The following PLIN1 variants were observed in gnomAD, a reference collection of about 807,000 sequenced individuals.
The protein encoded by PLIN1 is perilipin 1, also known as perilipin-1.
A neutral mutation model predicts 45.8 loss-of-function variants in PLIN1; 37 were observed. That is an observed-to-expected ratio of 0.81 (90% CI 0.62 to 1.06). The LOEUF (loss-of-function observed/expected upper bound fraction) is 1.06, where lower values mean the gene tolerates loss of function less well. Ranked by LOEUF, PLIN1 falls within the 50% of genes least tolerant of loss-of-function variation. The pLI is 0.00. For synonymous variants in PLIN1, 340 were observed against 309.2 expected (o/e 1.10, Z -1.05); for missense variants, 776 against 716.5 (o/e 1.08, Z -0.95).
chr15:89,667,296 G>C, intron 7 of PLIN1, 115 bp from the exon 8 acceptor site: 2 of 1,393,084 alleles, frequency 1.4e-6, no homozygotes, highest in Non-Finnish European at 2.0e-6. Context: ...CAAAACTTCA[G>C]GCCTATTCTG....
At position 89,674,906 on chromosome 15, in the gene PLIN1, C is replaced by T. The variant is rs530880124; in HGVS notation, c.46-1492G>A. 2.6e-5 allele frequency among the ~76,000 whole-genome samples: 4 copies of T among 152,026 alleles called. No individual in the cohort carries two copies. The East Asian group carries it at 7.7e-4, about 29-fold the overall frequency. ...CTTGAGCCCAGGAGTTTAAGGCCAG[C>T]CTGGGCAACACAGGGAGACCCCGTC... is the stretch of plus-strand genomic sequence containing the variant. On this transcript the variant is annotated intron_variant, in intron 2 of 8. Transcript: ENST00000300055.
chr15:89,676,455 G>T (rs373043489), intron 2 of PLIN1, among the ~76,000 whole-genome samples: 6 of 152,214 alleles, frequency 3.9e-5, no homozygotes, highest in East Asian at 3.9e-4. Context: ...CACTGTGTTA[G>T]CCAGGATGGT....
Position 89,665,480 on chromosome 15 carries a change from A to G in PLIN1, c.*103T>C. Reference sequence around the variant, plus strand: ...TCATCAGGATGAGGCTGAGCTCCCCAGGGGACCACTTTGAAAGTGGCAACG... The same window carrying G: ...TCATCAGGATGAGGCTGAGCTCCCCGGGGGACCACTTTGAAAGTGGCAACG... On this transcript the variant is annotated 3_prime_UTR_variant, in exon 9 of 9. Coordinates refer to ENST00000300055, the MANE Select transcript of PLIN1 (RefSeq NM_002666.5). 8.9e-7 allele frequency: 1 copy of G among 1,124,086 alleles called. No homozygotes were observed. 69.6% of individuals were successfully genotyped at this position (1,124,086 alleles called of 1,614,324 possible). A position where few individuals can be genotyped will look rare whatever the true frequency, so the allele number is the denominator to read the frequency against.
intron 2 of PLIN1, among the ~76,000 whole-genome samples, chr15:89,675,823 C>T (rs1471853735): frequency 6.6e-6 from 1 of 152,038 alleles, no homozygotes; most frequent in East Asian, 1.9e-4. Context: ...TACCCAAGAT[C>T]CCACAGCTGA....
intron 8 of PLIN1, among the ~76,000 whole-genome samples, chr15:89,666,577 C>G (rs185027185): frequency 7.2e-5 from 11 of 152,286 alleles, no homozygotes; most frequent in Non-Finnish European, 1.2e-4. Flanking sequence ...GCCCTGGAAG[C>G]CTCTCCAACC....
intron 6 of PLIN1, 47 bp from the exon 7 acceptor site, chr15:89,667,840 A>G (rs1355932138): frequency 7.1e-6 from 11 of 1,540,064 alleles, no homozygotes; most frequent in Admixed American, 3.9e-5. Context: ...CCCCTGCTGA[A>G]GGCCAGGGAG....
chr15:89,665,824 G>T lies in PLIN1; in HGVS notation c.1328C>A (p.Pro443Gln), dbSNP rs761617147. The T allele has an allele frequency of 7.1e-7, 1 of 1,404,518 alleles. No homozygotes were observed. Among genetic ancestry groups the T allele is most frequent in the South Asian group, 1.5e-5 (1 of 67,630 alleles). 87.0% of individuals were successfully genotyped at this position (1,404,518 alleles called of 1,614,324 possible). ...CTGTGCGAGACGCGGGGCGGGCTCC[G>T]GGCCGGCGGACGGCGCCCCAGACGC... ...RRASGAPSAG[P>Q]EPAPRLAQPR... Residue 443 changes from proline (P) to glutamine (Q), a missense_variant, in exon 9 of 9, where the codon CCG becomes CAG. Transcript: ENST00000300055.
intron 6 of PLIN1, 56 bp downstream of exon 6, chr15:89,669,444 G>T: frequency 7.0e-7 from 1 of 1,424,464 alleles, no homozygotes. Flanking sequence ...GAGGGACTAG[G>T]AGGCCCACAG....
intron 2 of PLIN1, among the ~76,000 whole-genome samples, chr15:89,675,316 G>A (rs1198869532): frequency 2.0e-5 from 3 of 147,514 alleles, no homozygotes; most frequent in Non-Finnish European, 4.5e-5. Flanking sequence ...GTAAAAGAAT[G>A]AATTCTAGGG....
In PLIN1 at chr15:89,665,901, C is replaced by A; in HGVS notation, c.1251G>T (p.Arg417=). ...LSLMEPESEF[R]DIDNPPAEVE... is the part of the protein sequence containing the mutation. ...CCTCGGCTGGTGGGTTGTCGATGTC[C>A]CGGAATTCGCTCTCGGGCTCCATCA... is the stretch of plus-strand genomic sequence containing the variant. The change falls in exon 9 of 9, where the codon CGG becomes CGT. Residue 417 remains arginine (R), a synonymous_variant. Coordinates refer to ENST00000300055, the MANE Select transcript of PLIN1 (RefSeq NM_002666.5). 6.5e-7 allele frequency: 1 copy of A among 1,536,644 alleles called. No homozygotes were observed. The highest frequency in any genetic ancestry group is 8.7e-7 in the Non-Finnish European group (1 of 1,150,922).
chr15:89,677,188 C>G lies in PLIN1; in HGVS notation c.45+257G>C, dbSNP rs181552741. ...TAGTTTCCTTCCTCTCCACTCCCCC[C>G]GTCCCTAAGCCAGGATTTCTGTCCC... On this transcript the variant is annotated intron_variant, in intron 2 of 8. Transcript: ENST00000300055. The G allele has an allele frequency of 1.3e-5, 7 of 557,726 alleles. No individual in the cohort carries two copies. In the African/African-American group the frequency reaches 1.3e-4, roughly 11 times the overall value. 34.5% of individuals were successfully genotyped at this position (557,726 alleles called of 1,614,324 possible).
chr15:89,673,001 C>G (rs1216451243), intron 3 of PLIN1, among the ~76,000 whole-genome samples: 1 of 152,218 alleles, frequency 6.6e-6, no homozygotes, highest in Non-Finnish European at 1.5e-5. Flanking sequence ...AAAATGCCAG[C>G]TGGGCCATAG....
Position 89,665,643 on chromosome 15 carries a change from G to C in PLIN1, c.1509C>G (p.Pro503=), listed in dbSNP as rs796763164. 8.6e-6 allele frequency: 13 copies of C among 1,505,858 alleles called. No homozygotes were observed. The African/African-American group carries it at 1.9e-4, about 22-fold the overall frequency. The allele number at this position is 1,505,858 out of a possible 1,614,324, so 93.3% of individuals were successfully genotyped here. ...GGCCCAGGATGGGCTCCATGACGCT[G>C]GGCCGGAAGAAGCTGTCGCTGACCC... ...KRRVSDSFFR[P]SVMEPILGRT... Residue 503 remains proline, a synonymous_variant, in exon 9 of 9, where the codon CCC becomes CCG. Coordinates refer to ENST00000300055, the MANE Select transcript of PLIN1 (RefSeq NM_002666.5).
intron 4 of PLIN1, among the ~76,000 whole-genome samples, 189 bp downstream of exon 4, chr15:89,671,293 G>A (rs1029656625): frequency 2.6e-5 from 4 of 151,894 alleles, no homozygotes; most frequent in Non-Finnish European, 5.9e-5. Context: ...CCCCACCTCC[G>A]TTTAGCTTCA....
chr15:89,673,167 G>C, intron 3 of PLIN1, 43 bp downstream of exon 3: 1 of 1,384,576 alleles, frequency 7.2e-7, no homozygotes, highest in Non-Finnish European at 1.0e-6. Flanking sequence ...TGGAAGGTAG[G>C]CAGTGAACAA....
Position 89,667,768 on chromosome 15 carries a change from G to A in PLIN1, c.797C>T (p.Ser266Leu), listed in dbSNP as rs986136594. 1.9e-6 allele frequency: 3 copies of A among 1,561,628 alleles called. No individual in the cohort carries two copies. The highest frequency in any genetic ancestry group is 2.6e-6 in the Non-Finnish European group (3 of 1,153,156). Residue 266 changes from serine (S) to leucine (L), a missense_variant, in exon 7 of 9, where the codon TCA (serine) becomes TTA (leucine). Transcript: ENST00000300055. Reference protein sequence around the residue: ...PLSSLAQWGASVAMQAVSRRR... With the variant: ...PLSSLAQWGALVAMQAVSRRR... ...CCGGGACACCGCCTGCATGGCCACT[G>A]AGGCACCCCACTGGGCCAGGCTGCT...
chr15:89,677,275 T>C, intron 2 of PLIN1, 170 bp downstream of exon 2: 1 of 704,822 alleles, frequency 1.4e-6, no homozygotes, highest in Non-Finnish European at 2.6e-6. Context: ...ATCCTCCAAC[T>C]GCCCCCTACA....
Position 89,667,051 on chromosome 15 carries a change from A to C in PLIN1, c.1094T>G (p.Leu365Arg). 6.2e-7 allele frequency: 1 copy of C among 1,614,084 alleles called. No individual in the cohort carries two copies. Among genetic ancestry groups the C allele is most frequent in the Non-Finnish European group, 8.5e-7 (1 of 1,179,994 alleles). The change falls in exon 8 of 9, where the codon CTG becomes CGG. Residue 365 changes from leucine (L) to arginine (R), a missense_variant. Coordinates refer to ENST00000300055, the MANE Select transcript of PLIN1 (RefSeq NM_002666.5). ...AAVLGMAGRVLHLTPAPAVSS... is the reference protein window; with the variant it reads ...AAVLGMAGRVRHLTPAPAVSS... ...GACAGCAGGGGCTGGTGTGAGGTGCAGCACCCTCCCTGCCATGCCCAGCAC... is the reference window on the plus strand; with the variant it reads ...GACAGCAGGGGCTGGTGTGAGGTGCCGCACCCTCCCTGCCATGCCCAGCAC...
chr15:89,670,039 G>A lies in PLIN1; in HGVS notation c.539C>T (p.Ala180Val). 3.7e-6 allele frequency: 6 copies of A among 1,613,856 alleles called. No individual in the cohort carries two copies. Among genetic ancestry groups the A allele is most frequent in the Non-Finnish European group, 3.4e-6 (4 of 1,179,914 alleles). Residue 180 changes from alanine (A) to valine (V), a missense_variant, in exon 5 of 9, where the codon GCC becomes GTC. Physicochemically the swap from Ala to Val is moderately conservative, Grantham distance 64. Transcript: ENST00000300055. Reference sequence around the variant, plus strand: ...CACCACCTTCTCAATGCTGCCCAAGGCCAAGTCGGCCCCTCCAGAAGCCAG... The same window carrying A: ...CACCACCTTCTCAATGCTGCCCAAGACCAAGTCGGCCCCTCCAGAAGCCAG... ...GRLASGGADLALGSIEKVVEY... is the reference protein window; with the variant it reads ...GRLASGGADLVLGSIEKVVEY...
Sources: allele counts gnomAD v4.1 joint callset (sites outside exome capture counted in the v4.1 genomes callset), GRCh38; gene constraint gnomAD v4.1.1; transcripts MANE v1.5; gene names NCBI Gene and HGNC (gene_info 2026-07-23, HGNC 2026-07-21).